Variants in TUBGCP6 observed in about 807,000 individuals in gnomAD.
TUBGCP6 encodes gamma-tubulin complex component 6.
TUBGCP6 carries 161 observed loss-of-function variants against 175.8 expected under a neutral mutation model. The ratio of observed to expected loss-of-function variants is 0.92; its 90% confidence interval spans 0.81 to 1.04. TUBGCP6 has a LOEUF of 1.04. Among genes scored for constraint, TUBGCP6 ranks in the 50% least tolerant of loss-of-function variants. The pLI is 0.00. For missense variants in TUBGCP6, 2,572 were observed against 2,433.0 expected (o/e 1.06, Z -1.20); for synonymous variants, 1,173 against 1,030.5 (o/e 1.14, Z -2.65).
At chr22:50,227,797 C>T in intron 5 of TUBGCP6, 110 bp downstream of exon 5, 2 of 1,449,494 alleles carry the variant, frequency 1.4e-6, no homozygotes, top group African/African-American at 2.8e-5. Context: ...CTGCTGAGGG[C>T]TGTTCTCACA....
chr22:50,244,429 GGTC>G lies in TUBGCP6; in HGVS notation c.28_30del (p.Asp10del). On this transcript the variant is annotated inframe_deletion, in exon 1 of 25. Transcript: ENST00000248846. ...GCAGCCGGCAGGAGGGCCTCACACA[GGTC>G]GTCGAACAGCTGCGTGATGCTGGCC... 1.2e-6 allele frequency: 2 copies of G among 1,612,680 alleles called. No homozygotes were observed. The highest frequency in any genetic ancestry group is 1.1e-5 in the South Asian group (1 of 91,054).
In TUBGCP6 at chr22:50,233,370, T is replaced by TTGA. The variant is rs752639540; in HGVS notation, c.1061_1062insTCA (p.Lys354delinsAsnGln). On this transcript the variant is annotated protein_altering_variant, in exon 3 of 25. Transcript: ENST00000248846. The stretch of plus-strand genomic sequence containing the variant: ...CCCCAATCAAGACGTTCAGCACGTC[T>TTGA]TTCACCAGCTCGCACTCCTTCACCA... The TTGA allele has an allele frequency of 6.2e-7, 1 of 1,614,016 alleles. No individual in the cohort carries two copies. Among genetic ancestry groups the TTGA allele is most frequent in the Non-Finnish European group, 8.5e-7 (1 of 1,179,960 alleles).
rs774810121 is a variant in TUBGCP6, at chr22:50,244,305, T to C, written c.155A>G (p.Asp52Gly). ...GTCAGGCTGCAGCTGTTGAGTCTCATCTTGAAAAAGATTTGTGAAAAGAGC... is the reference window on the plus strand; with the variant it reads ...GTCAGGCTGCAGCTGTTGAGTCTCACCTTGAAAAAGATTTGTGAAAAGAGC... Reference protein sequence around the residue: ...YNALFTNLFQDETQQLQPDMS... With the variant: ...YNALFTNLFQGETQQLQPDMS... The change falls in exon 1 of 25, where the codon GAT becomes GGT. Residue 52 changes from aspartate (D) to glycine (G), a missense_variant. Transcript: ENST00000248846. The C allele has an allele frequency of 4.3e-6, 7 of 1,613,668 alleles. No homozygotes were observed. In the South Asian group the frequency reaches 6.6e-5, roughly 15 times the overall value.
Position 50,244,055 on chromosome 22 carries a change from G to C in TUBGCP6, c.405C>G (p.Asn135Lys). The C allele has an allele frequency of 2.5e-6, 4 of 1,614,058 alleles. No individual in the cohort carries two copies. The highest frequency in any genetic ancestry group is 8.5e-7 in the Non-Finnish European group (1 of 1,180,036). ...GAACGTTTCTCCCCACATGCTTGTT[G>C]TTAAGGAAGTAGTCTCGTTTTCTCG... ...VLPRKRDYFL[N>K]NKHVGRNVPY... The change falls in exon 1 of 25, where the codon AAC becomes AAG. Residue 135 changes from asparagine to lysine, a missense_variant. By Grantham distance (94) the Asn-to-Lys change is moderately conservative. Transcript: ENST00000248846.
Position 50,244,569 on chromosome 22 carries a change from G to A in TUBGCP6, c.-110C>T, listed in dbSNP as rs1199925469. ...GAGGGTCCGAAGAGGCTGAATGACAGGCGGCCTCTCCAATGCCGAAGCTCA... is the reference window on the plus strand; with the variant it reads ...GAGGGTCCGAAGAGGCTGAATGACAAGCGGCCTCTCCAATGCCGAAGCTCA... On this transcript the variant is annotated 5_prime_UTR_variant, in exon 1 of 25. Transcript: ENST00000248846. 4.2e-6 allele frequency: 6 copies of A among 1,435,338 alleles called. No homozygotes were observed. The South Asian group carries it at 5.8e-5, about 14-fold the overall frequency. The allele number at this position is 1,435,338 out of a possible 1,614,324, so 88.9% of individuals were successfully genotyped here. A position where few individuals can be genotyped will look rare whatever the true frequency, so the allele number is the denominator to read the frequency against.
intron 3 of TUBGCP6, among the ~76,000 whole-genome samples, chr22:50,230,345 G>T (rs762425349): frequency 6.6e-6 from 1 of 151,716 alleles, no homozygotes; most frequent in Non-Finnish European, 1.5e-5. Flanking sequence ...GGTGGCTCAC[G>T]CCTGTAATCC....
Position 50,221,098 on chromosome 22 carries a change from G to A in TUBGCP6, c.3261C>T (p.Ser1087=), listed in dbSNP as rs2064514738. The part of the protein sequence containing the change: ...WNTHGHVSNA[S]ISLGESVSDV... ...CTGACACAGACTCCCCTAAGCTGAT[G>A]CTGGCATTGGATACGTGTCCGTGGG... is the stretch of plus-strand genomic sequence containing the variant. Residue 1087 remains serine, a synonymous_variant, in exon 16 of 25, where the codon AGC becomes AGT. Transcript: ENST00000248846. 7.4e-6 allele frequency: 12 copies of A among 1,613,190 alleles called. No homozygotes were observed. The highest frequency in any genetic ancestry group is 9.3e-6 in the Non-Finnish European group (11 of 1,179,810).
Position 50,226,789 on chromosome 22 carries a change from G to A in TUBGCP6, c.1545C>T (p.Asn515=), listed in dbSNP as rs751672908. Residue 515 remains asparagine, a synonymous_variant, in exon 7 of 25, where the codon AAC becomes AAT. Transcript: ENST00000248846. ...GGGACAGCAGTACAGGGTAGTGCTC[G>A]TTGCTGCAGTTGTGCAGAGCCTCCT... ...LYQEALHNCS[N]EHYPVLLSLL... The A allele has an allele frequency of 3.6e-5, 57 of 1,592,180 alleles. No homozygotes were observed. Among genetic ancestry groups the A allele is most frequent in the African/African-American group, 2.7e-5 (2 of 74,816 alleles).
intron 1 of TUBGCP6, among the ~76,000 whole-genome samples, chr22:50,243,347 G>A (rs1601610713): frequency 6.6e-6 from 1 of 151,870 alleles, no homozygotes; most frequent in Admixed American, 6.6e-5. Context: ...CAGCTACTCG[G>A]GAGGCTGAGG....
chr22:50,218,460 G>T lies in TUBGCP6; in HGVS notation c.4954+28C>A, dbSNP rs372030382. On this transcript the variant is annotated intron_variant, in intron 22 of 24. Coordinates refer to ENST00000248846, the MANE Select transcript of TUBGCP6 (RefSeq NM_020461.4). ...GAGCGCAGCCTCCAGCCAGGGGTGC[G>T]GGGCGCCGGGCTCCAGCGGGGCCTC... 2.5e-6 allele frequency: 4 copies of T among 1,612,988 alleles called. No homozygotes were observed. In the Admixed American group the frequency reaches 5.0e-5, roughly 20 times the overall value.
Position 50,222,327 on chromosome 22 carries a change from C to T in TUBGCP6, c.2409+127G>A, listed in dbSNP as rs546685717. 5.8e-4 allele frequency: 827 copies of T among 1,418,652 alleles called. 4 individuals carry two copies. The highest frequency in any genetic ancestry group is 4.1e-4 in the Admixed American group (22 of 53,384). The allele number at this position is 1,418,652 out of a possible 1,614,324, so 87.9% of individuals were successfully genotyped here. A position where few individuals can be genotyped will look rare whatever the true frequency, so the allele number is the denominator to read the frequency against. On this transcript the variant is annotated intron_variant, in intron 14 of 24. Transcript: ENST00000248846. Reference sequence around the variant, plus strand: ...TGGTGGCACACGGGGAGAGAGAGTGCTCTGCCGCAAACGCGAAAGCCACCA... The same window carrying T: ...TGGTGGCACACGGGGAGAGAGAGTGTTCTGCCGCAAACGCGAAAGCCACCA...
In TUBGCP6 at chr22:50,233,350, A is replaced by G. The variant is rs746530939; in HGVS notation, c.1082T>C (p.Ile361Thr). ...CGAAAACGTGGCAGACACGACCCCA[A>G]TCAAGACGTTCAGCACGTCTTTCAC... is the stretch of plus-strand genomic sequence containing the variant. ...ELVKDVLNVL[I>T]GVVSATFSLC... is the part of the protein sequence containing the mutation. The change falls in exon 3 of 25, where the codon ATT becomes ACT. Residue 361 changes from isoleucine to threonine, a missense_variant. Transcript: ENST00000248846. 5 of 1,613,824 alleles carry G rather than the reference A, an allele frequency of 3.1e-6. No homozygotes were observed. Among genetic ancestry groups the G allele is most frequent in the East Asian group, 4.5e-5 (2 of 44,886 alleles).
chr22:50,237,961 A>G (rs1005724975), intron 2 of TUBGCP6, among the ~76,000 whole-genome samples: 2 of 152,112 alleles, frequency 1.3e-5, no homozygotes, highest in African/African-American at 2.4e-5. Context: ...CATCTCTACT[A>G]AAAACACAAA....
chr22:50,235,213 G>A lies in TUBGCP6; in HGVS notation c.906-1687C>T, dbSNP rs1025346250. On this transcript the variant is annotated intron_variant, in intron 2 of 24. Transcript: ENST00000248846. ...CAGCATCATCCACATCCCTGTCCAC[G>A]GCAGCATCATCCACACTCCTGTCCA... 7.2e-4 allele frequency among the ~76,000 whole-genome samples: 11 copies of A among 15,316 alleles called. No homozygotes were observed. In the South Asian group the frequency reaches 0.011, roughly 15 times the overall value. 10.0% of individuals were successfully genotyped at this position (15,316 alleles called of 152,430 possible). A position where few individuals can be genotyped will look rare whatever the true frequency, so the allele number is the denominator to read the frequency against.
At chr22:50,232,258 C>T (rs1045657766) in intron 3 of TUBGCP6, among the ~76,000 whole-genome samples, 2 of 148,614 alleles carry the variant, frequency 1.3e-5, no homozygotes, top group Non-Finnish European at 1.5e-5. Context: ...CCCAGCTACT[C>T]GGGAGGCTGA....
At chr22:50,224,982 G>T (rs2147186024) in intron 10 of TUBGCP6, among the ~76,000 whole-genome samples, 1 of 152,250 alleles carries the variant, frequency 6.6e-6, no homozygotes, top group Admixed American at 6.5e-5. Context: ...GACACCTGTG[G>T]ACTCAGGGCC....
rs773900510 is a variant in TUBGCP6 at position 50,221,456 on chromosome 22, C to A, written c.2903G>T (p.Gly968Val). 13 of 1,594,656 alleles carry A rather than the reference C, an allele frequency of 8.2e-6. No individual in the cohort carries two copies. The Admixed American group carries it at 8.7e-5, about 11-fold the overall frequency. The change falls in exon 16 of 25, where the codon GGG (glycine) becomes GTG (valine). Residue 968 changes from glycine (G) to valine (V), a missense_variant. Coordinates refer to ENST00000248846, the MANE Select transcript of TUBGCP6 (RefSeq NM_020461.4). ...RPAVATSPAP[G>V]PLQAAECSLG... is the part of the protein sequence containing the mutation. ...GCTGCACTCTGCAGCCTGCAGGGGC[C>A]CTGGTGCAGGTGAGGTGGCCACAGC...
Position 50,244,973 on chromosome 22 carries a change from C to G in TUBGCP6, c.-514G>C, listed in dbSNP as rs980377919. The G allele has an allele frequency of 4.4e-6, 1 of 227,612 alleles. No homozygotes were observed. Among genetic ancestry groups the G allele is most frequent in the Non-Finnish European group, 8.7e-6 (1 of 114,498 alleles). The allele number at this position is 227,612 out of a possible 1,614,324, so 14.1% of individuals were successfully genotyped here. ...CTCCAGGCCTCACCCGTGGAAAGTGCCCACGGCTGCCGCTCTCGCCGCCTC... is the reference window on the plus strand; with the variant it reads ...CTCCAGGCCTCACCCGTGGAAAGTGGCCACGGCTGCCGCTCTCGCCGCCTC... On this transcript the variant is annotated 5_prime_UTR_variant, in exon 1 of 25. Coordinates refer to ENST00000248846, the MANE Select transcript of TUBGCP6 (RefSeq NM_020461.4).
chr22:50,226,742 G>C lies in TUBGCP6; in HGVS notation c.1592C>G (p.Pro531Arg). 1.3e-6 allele frequency: 2 copies of C among 1,582,276 alleles called. No individual in the cohort carries two copies. The highest frequency in any genetic ancestry group is 1.7e-6 in the Non-Finnish European group (2 of 1,165,158). Residue 531 changes from proline (P) to arginine (R), a missense_variant, in exon 7 of 25, where the codon CCC becomes CGC. Physicochemically the swap from Pro to Arg is moderately radical, Grantham distance 103. Coordinates refer to ENST00000248846, the MANE Select transcript of TUBGCP6 (RefSeq NM_020461.4). ...CCAGCCCACTGCCCACCGGGTGTAG[G>C]GCTCGCAGCTGGTCTTCAGCAGGGA... is the stretch of plus-strand genomic sequence containing the variant. ...LLSLLKTSCE[P>R]YTRFIHDWVY...
Sources: allele counts gnomAD v4.1 joint callset (sites outside exome capture counted in the v4.1 genomes callset), GRCh38; gene constraint gnomAD v4.1.1; transcripts MANE v1.5; gene names NCBI Gene and HGNC (gene_info 2026-07-23, HGNC 2026-07-21).